HPCAL1: variants seen among roughly 807,000 people sequenced by gnomAD.
HPCAL1 encodes the protein hippocalcin like 1, also known as hippocalcin-like protein 1.
A neutral mutation model predicts 17.1 loss-of-function variants in HPCAL1; 8 were observed. That is an observed-to-expected ratio of 0.47 (90% CI 0.27 to 0.84). The LOEUF is 0.84. Ranked by LOEUF, HPCAL1 falls within the 40% of genes least tolerant of loss-of-function variation. The pLI, the probability that HPCAL1 is intolerant of heterozygous loss-of-function variation, is 0.13. For synonymous variants in HPCAL1, 112 were observed against 111.4 expected (o/e 1.01, Z -0.03); for missense variants, 165 against 271.1 (o/e 0.61, Z 2.75).
rs62128254 is a variant in HPCAL1 at position 10,394,205 on chromosome 2, C to T, written c.-110-2630C>T. Among the ~76,000 whole-genome samples, 24,426 of 152,022 alleles carry T rather than the reference C, an allele frequency of 0.16. 2,053 individuals carry two copies. The highest frequency in any genetic ancestry group is 0.19 in the African/African-American group (7,861 of 41,430). ...TGGGTTTGGGGATTTGTGTTTTGGG[C>T]GCCCCACACCCCATTTAGCCGAGTG... On this transcript the variant is annotated intron_variant, in intron 1 of 4. Transcript: ENST00000307845. This position sits in a 1 kb window ranked among gnomAD's most constrained non-coding sequence, Gnocchi z 5.0.
chr2:10,426,954 C>A lies in HPCAL1; in HGVS notation c.*133C>A. ...GGCCTGGGGCATGCGTTGCACCTGC[C>A]CAGCCCGGTGGCTGCGCCTCCCTCC... On this transcript the variant is annotated 3_prime_UTR_variant, in exon 5 of 5. Transcript: ENST00000307845. 1 of 780,698 alleles carries A rather than the reference C, an allele frequency of 1.3e-6. No individual in the cohort carries two copies. The highest frequency in any genetic ancestry group is 2.1e-6 in the Non-Finnish European group (1 of 471,104). The allele number at this position is 780,698 out of a possible 1,614,324, so 48.4% of individuals were successfully genotyped here. A position where few individuals can be genotyped will look rare whatever the true frequency, so the allele number is the denominator to read the frequency against.
At chr2:10,326,480 G>C (rs1203186466) in intron 1 of HPCAL1, among the ~76,000 whole-genome samples, 1 of 152,220 alleles carries the variant, frequency 6.6e-6, no homozygotes, top group Non-Finnish European at 1.5e-5. Flanking sequence ...GTGTTGGCTG[G>C]AGACTTGTGG....
At position 10,427,365 on chromosome 2, in the gene HPCAL1, G is replaced by C. The variant is rs1362430579; in HGVS notation, c.*544G>C. On this transcript the variant is annotated 3_prime_UTR_variant, in exon 5 of 5. Transcript: ENST00000307845. ...ATGGTGAAGTGGAGTGTATTGTGTA[G>C]GTCCCGTATTTAATGCCTCTGACTG... 6.5e-6 allele frequency: 1 copy of C among 153,216 alleles called. No individual in the cohort carries two copies. The highest frequency in any genetic ancestry group is 1.5e-5 in the Non-Finnish European group (1 of 68,786). 9.5% of individuals were successfully genotyped at this position (153,216 alleles called of 1,614,324 possible). A position where few individuals can be genotyped will look rare whatever the true frequency, so the allele number is the denominator to read the frequency against.
In HPCAL1 at chr2:10,395,310, A is replaced by T. The variant is rs1668950486; in HGVS notation, c.-110-1525A>T. Among the ~76,000 whole-genome samples the T allele has an allele frequency of 1.3e-5, 2 of 152,166 alleles. No homozygotes were observed. Among genetic ancestry groups the T allele is most frequent in the Non-Finnish European group, 2.9e-5 (2 of 68,040 alleles). ...GGGAAACAGTAGAAATTTAACTCTG[A>T]GCAAGATACACCCTATTTCCAATCA... On this transcript the variant is annotated intron_variant, in intron 1 of 4. Transcript: ENST00000307845. The surrounding 1 kb of genome is among the most constrained non-coding windows in gnomAD (Gnocchi z 4.4).
At position 10,360,141 on chromosome 2, in the gene HPCAL1, G is replaced by A. The variant is rs539740425; in HGVS notation, c.-110-36694G>A. On this transcript the variant is annotated intron_variant, in intron 1 of 4. Coordinates refer to ENST00000307845, the MANE Select transcript of HPCAL1 (RefSeq NM_002149.4). ...TCATTCCCCCTGGGTAGAGCGTGTC[G>A]GGTGACTCTGCTGCGGTCTCCAGGA... Among the ~76,000 whole-genome samples the A allele has an allele frequency of 1.8e-3, 280 of 152,266 alleles. 1 individual carries two copies. The highest frequency in any genetic ancestry group is 6.3e-3 in the African/African-American group (262 of 41,542).
chr2:10,337,001 C>A (rs1477400775), intron 1 of HPCAL1, among the ~76,000 whole-genome samples: 5 of 152,218 alleles, frequency 3.3e-5, no homozygotes, highest in Admixed American at 6.5e-5. Flanking sequence ...GTTCTTCCCA[C>A]CGCAGCCTCC....
At chr2:10,381,268 T>C (rs6727492) in intron 1 of HPCAL1, among the ~76,000 whole-genome samples, 46,460 of 152,176 alleles carry the variant, frequency 0.31, 10,162 homozygotes, top group African/African-American at 0.6. Context: ...ACAAGGATGT[T>C]ACGTTGTGCT....
intron 1 of HPCAL1, among the ~76,000 whole-genome samples, chr2:10,314,003 C>A (rs1202216322): frequency 6.6e-6 from 1 of 151,540 alleles, no homozygotes; most frequent in East Asian, 1.9e-4. Flanking sequence ...TGGTGGCGGG[C>A]GCCTGTAATC....
At chr2:10,334,727 C>G (rs1664613680) in intron 1 of HPCAL1, among the ~76,000 whole-genome samples, 1 of 124,172 alleles carries the variant, frequency 8.1e-6, no homozygotes, top group Non-Finnish European at 1.7e-5. Flanking sequence ...GCTCTGTTAC[C>G]CAGGCTGGAG....
At chr2:10,321,426 T>TC (rs1663662594) in intron 1 of HPCAL1, among the ~76,000 whole-genome samples, 2 of 152,264 alleles carry the variant, frequency 1.3e-5, no homozygotes, top group South Asian at 2.1e-4. Flanking sequence ...TTTTTTTTTT[T>TC]CAGGGGAAAG....
intron 1 of HPCAL1, among the ~76,000 whole-genome samples, chr2:10,358,304 C>G (rs751691844): frequency 6.6e-6 from 1 of 152,200 alleles, no homozygotes; most frequent in South Asian, 2.1e-4. Flanking sequence ...TTAATAGAAT[C>G]GGAGTCTCAC....
At chr2:10,307,538 C>T (rs1220239038) in intron 1 of HPCAL1, among the ~76,000 whole-genome samples, 1 of 152,224 alleles carries the variant, frequency 6.6e-6, no homozygotes, top group Admixed American at 6.5e-5. Context: ...TGTTCCACAT[C>T]AAAACAGAGC....
rs1665893271 is a variant in HPCAL1, at chr2:10,352,346, T to C, written c.-110-44489T>C. ...TTTGGGACCTCACTTCCTTTTTCCCTTCCCCATCCCTTTGTAGCCCCTTCT... is the reference window on the plus strand; with the variant it reads ...TTTGGGACCTCACTTCCTTTTTCCCCTCCCCATCCCTTTGTAGCCCCTTCT... On this transcript the variant is annotated intron_variant, in intron 1 of 4. Coordinates refer to ENST00000307845, the MANE Select transcript of HPCAL1 (RefSeq NM_002149.4). Among the ~76,000 whole-genome samples, 7 of 152,286 alleles carry C rather than the reference T, an allele frequency of 4.6e-5. No individual in the cohort carries two copies. In the South Asian group the frequency reaches 1.5e-3, roughly 32 times the overall value.
chr2:10,410,176 A>G (rs1001275008), intron 2 of HPCAL1, among the ~76,000 whole-genome samples: 1 of 152,120 alleles, frequency 6.6e-6, no homozygotes, highest in African/African-American at 2.4e-5. Context: ...TGGCCTGGCA[A>G]GCTTCGGGGA....
intron 2 of HPCAL1, among the ~76,000 whole-genome samples, chr2:10,399,424 T>TCACCACCACCACCACCACCACCAC (rs1558518268): frequency 1.1e-4 from 1 of 8,700 alleles, no homozygotes; most frequent in Admixed American, 8.7e-4. Flanking sequence ...ACCACCACCA[T>TCACCACCACCACCACCACCACCAC]CACCACCACC....
rs541066072 is a variant in HPCAL1, at chr2:10,333,513, C to T, written c.-111+30336C>T. Among the ~76,000 whole-genome samples the T allele has an allele frequency of 1.3e-3, 198 of 152,302 alleles. 1 individual carries two copies. Among genetic ancestry groups the T allele is most frequent in the African/African-American group, 4.6e-3 (191 of 41,566 alleles). ...CCTAAGCCAGCCTCCTGTGGCCCAG[C>T]ACCTTCTCTTCCCACGTGGGCAGCT... On this transcript the variant is annotated intron_variant, in intron 1 of 4. Coordinates refer to ENST00000307845, the MANE Select transcript of HPCAL1 (RefSeq NM_002149.4).
chr2:10,409,957 A>C (rs1001201339), intron 2 of HPCAL1, among the ~76,000 whole-genome samples: 2 of 151,606 alleles, frequency 1.3e-5, no homozygotes, highest in Non-Finnish European at 2.9e-5. Flanking sequence ...CACCCAGCTA[A>C]TTTTTTATAT....
intron 1 of HPCAL1, among the ~76,000 whole-genome samples, chr2:10,370,547 G>A (rs1572738013): frequency 6.6e-6 from 1 of 152,224 alleles, no homozygotes. Flanking sequence ...CTGGTCCCCA[G>A]AGCGGGGTCT....
At chr2:10,426,549 AT>A (rs984567719) in intron 4 of HPCAL1, 174 bp from the exon 5 acceptor site, 11 of 626,736 alleles carry the variant, frequency 1.8e-5, no homozygotes, top group Non-Finnish European at 2.6e-5. Flanking sequence ...AGGAAAAAGG[AT>A]TTTTTTTCAG....
Sources: gnomAD v4.1 joint callset for allele counts (sites outside exome capture counted in the v4.1 genomes callset) on GRCh38, gnomAD v4.1.1 for gene constraint, Gnocchi (gnomAD v3.1) non-coding constraint, MANE v1.5 for transcripts, NCBI Gene and HGNC (gene_info 2026-07-23, HGNC 2026-07-21) for gene names.